NUDCD1: variants seen among roughly 807,000 people sequenced by gnomAD.
The protein encoded by NUDCD1 is nudC domain-containing protein 1.
A neutral mutation model predicts 67.8 loss-of-function variants in NUDCD1; 60 were observed. That is an observed-to-expected ratio of 0.88 (90% confidence interval 0.72 to 1.10). The LOEUF (loss-of-function observed/expected upper bound fraction) is 1.10, where lower values mean the gene tolerates loss of function less well. Among genes scored for constraint, NUDCD1 ranks in the 50% least tolerant of loss-of-function variants. The pLI is 0.00. For synonymous variants in NUDCD1, 244 were observed against 230.8 expected (o/e 1.06, Z -0.52); for missense variants, 643 against 695.0 (o/e 0.93, Z 0.84).
intron 2 of NUDCD1, among the ~76,000 whole-genome samples, 162 bp downstream of exon 2, chr8:109,322,147 A>G (rs1166776628): frequency 6.6e-6 from 1 of 152,176 alleles, no homozygotes; most frequent in Non-Finnish European, 1.5e-5. Context: ...GAGAAAAATT[A>G]AAATTGAAAT....
In NUDCD1 at chr8:109,322,316, A is replaced by G; in HGVS notation, c.266T>C (p.Val89Ala). ...CATACATGTTTCTCTTACCAGCATT[A>G]CTGTTAAATTCATAATTCTTCCAAG... ...DTLGRIMNLT[V>A]MLDTALGKPR... Residue 89 changes from valine to alanine, a missense_variant, in exon 2 of 10, where the codon GTA (valine) becomes GCA (alanine). Transcript: ENST00000239690. 6 of 1,509,290 alleles carry G rather than the reference A, an allele frequency of 4.0e-6. No individual in the cohort carries two copies. The highest frequency in any genetic ancestry group is 5.5e-6 in the Non-Finnish European group (6 of 1,095,160). 93.5% of individuals were successfully genotyped at this position (1,509,290 alleles called of 1,614,324 possible).
intron 8 of NUDCD1, among the ~76,000 whole-genome samples, chr8:109,266,837 ATTTAT>A (rs1279825365): frequency 2.6e-5 from 4 of 152,108 alleles, no homozygotes; most frequent in African/African-American, 9.7e-5. Flanking sequence ...TGCTTCATTT[ATTTAT>A]TTAACATTTT....
intron 8 of NUDCD1, among the ~76,000 whole-genome samples, chr8:109,261,520 C>T (rs1223905361): frequency 4.6e-5 from 7 of 151,894 alleles, no homozygotes; most frequent in Non-Finnish European, 1.0e-4. Context: ...ATGAAATTAA[C>T]CTATTATTAA....
intron 8 of NUDCD1, among the ~76,000 whole-genome samples, chr8:109,249,021 A>T (rs1232992636): frequency 2.6e-5 from 4 of 151,876 alleles, no homozygotes; most frequent in African/African-American, 9.7e-5. Flanking sequence ...CTAATTATTT[A>T]TACTTTTCCT....
At chr8:109,279,015 C>CA (rs1403442186) in intron 6 of NUDCD1, among the ~76,000 whole-genome samples, 2 of 152,036 alleles carry the variant, frequency 1.3e-5, no homozygotes, top group Non-Finnish European at 2.9e-5. Flanking sequence ...CCCATCTCTA[C>CA]AAAAAATACA....
At chr8:109,317,921 A>G (rs554057115) in intron 2 of NUDCD1, among the ~76,000 whole-genome samples, 72 of 152,336 alleles carry the variant, frequency 4.7e-4, no homozygotes, top group African/African-American at 1.7e-3. Context: ...GCTACATATT[A>G]CCATGTAATA....
At chr8:109,288,719 C>T (rs116243054) in intron 5 of NUDCD1, among the ~76,000 whole-genome samples, 3,710 of 151,992 alleles carry the variant, frequency 0.024, 142 homozygotes, top group African/African-American at 0.085. Flanking sequence ...TCTTAATCAA[C>T]GTGTTTTCAC....
chr8:109,289,780 A>G lies in NUDCD1; in HGVS notation c.794T>C (p.Met265Thr). 6.5e-7 allele frequency: 1 copy of G among 1,538,892 alleles called. No homozygotes were observed. The highest frequency in any genetic ancestry group is 1.2e-5 in the South Asian group (1 of 86,548). The change falls in exon 5 of 10, where the codon ATG becomes ACG. Residue 265 changes from methionine (M) to threonine (T), a missense_variant. Transcript: ENST00000239690. ...VQAGQDLEEN[M>T]DEDISEKIKE... ...GATTTTCTCTGATATGTCTTCATCC[A>G]TATTTTCTTCAAGATCTTGACCAGC...
At chr8:109,246,790 G>A (rs575107502) in intron 8 of NUDCD1, among the ~76,000 whole-genome samples, 2 of 152,276 alleles carry the variant, frequency 1.3e-5, no homozygotes, top group South Asian at 2.1e-4. Flanking sequence ...ATTGATTCTA[G>A]GAGTTTGCAA....
At chr8:109,247,442 A>G (rs1439224773) in intron 8 of NUDCD1, among the ~76,000 whole-genome samples, 3 of 152,196 alleles carry the variant, frequency 2.0e-5, no homozygotes, top group Admixed American at 2.0e-4. Context: ...TGAACCACGA[A>G]GTGAAAGGTG....
rs142531973 is a variant in NUDCD1 at position 109,320,010 on chromosome 8, G to A, written c.273+2299C>T. On this transcript the variant is annotated intron_variant, in intron 2 of 9. Coordinates refer to ENST00000239690, the MANE Select transcript of NUDCD1 (RefSeq NM_032869.4). ...ATTTTCAAAAGGGGAGGGAGTGTGC[G>A]AATAGGTGTGGGTCACAGACATCAA... 8.9e-4 allele frequency among the ~76,000 whole-genome samples: 135 copies of A among 152,256 alleles called. 2 individuals carry two copies. In the East Asian group the frequency reaches 0.023, roughly 26 times the overall value.
rs758654795 is a variant in NUDCD1 at position 109,296,542 on chromosome 8, C to G, written c.301G>C (p.Val101Leu). ...LDTALGKPRE[V>L]FRLPTDLTAC... is the part of the protein sequence containing the mutation. ...GTCAAATCTGTAGGAAGTCGAAACA[C>G]CTCTCGTGGTTTTCCTAAGGCAGTG... is the stretch of plus-strand genomic sequence containing the variant. Residue 101 changes from valine to leucine, a missense_variant, in exon 3 of 10, where the codon GTG becomes CTG. Coordinates refer to ENST00000239690, the MANE Select transcript of NUDCD1 (RefSeq NM_032869.4). 2.5e-6 allele frequency: 4 copies of G among 1,608,434 alleles called. No homozygotes were observed. The highest frequency in any genetic ancestry group is 3.4e-6 in the Non-Finnish European group (4 of 1,176,050).
chr8:109,252,421 T>C (rs889408096), intron 8 of NUDCD1, among the ~76,000 whole-genome samples: 1 of 152,014 alleles, frequency 6.6e-6, no homozygotes, highest in East Asian at 1.9e-4. Flanking sequence ...GATTTGACAC[T>C]CTTCCCTCAG....
chr8:109,267,735 A>T lies in NUDCD1; in HGVS notation c.1299+3270T>A, dbSNP rs190381178. Among the ~76,000 whole-genome samples, 6 of 152,336 alleles carry T rather than the reference A, an allele frequency of 3.9e-5. No individual in the cohort carries two copies. The East Asian group carries it at 1.2e-3, about 29-fold the overall frequency. On this transcript the variant is annotated intron_variant, in intron 8 of 9. Coordinates refer to ENST00000239690, the MANE Select transcript of NUDCD1 (RefSeq NM_032869.4). ...AAAACAGTATGTACAAAATACTGGA[A>T]ATGTCTCATCAAATATTGTCTATAA...
At chr8:109,295,470 G>C (rs1470002126) in intron 3 of NUDCD1, among the ~76,000 whole-genome samples, 1 of 152,130 alleles carries the variant, frequency 6.6e-6, no homozygotes, top group Non-Finnish European at 1.5e-5. Flanking sequence ...GGCTACTGCT[G>C]TTCTGGTTAT....
chr8:109,295,689 G>A (rs894129940), intron 3 of NUDCD1, among the ~76,000 whole-genome samples: 1 of 151,970 alleles, frequency 6.6e-6, no homozygotes, highest in African/African-American at 2.4e-5. Flanking sequence ...CAGAACTAAA[G>A]GCTACCTACA....
At chr8:109,248,958 C>T (rs1258448886) in intron 8 of NUDCD1, among the ~76,000 whole-genome samples, 2 of 152,070 alleles carry the variant, frequency 1.3e-5, no homozygotes, top group African/African-American at 4.8e-5. Flanking sequence ...ATGGCATCTT[C>T]TCCTCCAAGG....
chr8:109,307,914 G>A (rs1006333116), intron 2 of NUDCD1, among the ~76,000 whole-genome samples: 1 of 152,124 alleles, frequency 6.6e-6, no homozygotes, highest in Non-Finnish European at 1.5e-5. Context: ...TTGTCCAATA[G>A]GAAAATACCA....
chr8:109,269,198 T>C (rs530559288), intron 8 of NUDCD1, among the ~76,000 whole-genome samples: 2 of 152,210 alleles, frequency 1.3e-5, no homozygotes, highest in African/African-American at 4.8e-5. Context: ...TAAAATGTCA[T>C]ACATGTGCTT....
Sources: allele counts gnomAD v4.1 joint callset (sites outside exome capture counted in the v4.1 genomes callset), GRCh38; gene constraint gnomAD v4.1.1; transcripts MANE v1.5; gene names NCBI Gene and HGNC (gene_info 2026-07-23, HGNC 2026-07-21).